CRB1: variants seen among roughly 807,000 people sequenced by gnomAD.
CRB1 encodes the protein crumbs cell polarity complex component 1.
CRB1 carries 83 observed loss-of-function variants against 120.0 expected under a neutral mutation model. That is an observed-to-expected ratio of 0.69 (90% CI 0.58 to 0.83). The LOEUF (loss-of-function observed/expected upper bound fraction) is 0.83. CRB1 is among the 40% of genes least tolerant of loss of function. The pLI is 0.00. For synonymous variants in CRB1, 625 were observed against 612.5 expected (o/e 1.02, Z -0.30); for missense variants, 1,699 against 1,687.6 (o/e 1.01, Z -0.12).
At chr1:197,259,522 T>C in the CRB1 span, among the ~76,000 whole-genome samples, 2 of 152,014 alleles carry the variant, frequency 1.3e-5, no homozygotes, top group Non-Finnish European at 2.9e-5. Flanking sequence ...ACACCAGTCC[T>C]GTCAGTGGGG....
chr1:197,406,319 G>A (rs1172548556), intron 5 of CRB1, among the ~76,000 whole-genome samples: 2 of 152,052 alleles, frequency 1.3e-5, no homozygotes, highest in African/African-American at 4.8e-5. Context: ...GTCCACTCAG[G>A]GTTAAATGGA....
the CRB1 span, among the ~76,000 whole-genome samples, chr1:197,220,781 C>T: frequency 6.6e-6 from 1 of 152,078 alleles, no homozygotes; most frequent in African/African-American, 2.4e-5. Flanking sequence ...GTGAGCTGAT[C>T]ATTTAAAAGT....
chr1:197,283,763 T>G (rs1339148239), intron 1 of CRB1, among the ~76,000 whole-genome samples: 2 of 151,540 alleles, frequency 1.3e-5, no homozygotes, highest in Admixed American at 1.3e-4. Flanking sequence ...ACATTTTCTG[T>G]AAGTAGGCCA....
At chr1:197,366,058 T>C (rs1489268073) in intron 5 of CRB1, among the ~76,000 whole-genome samples, 1 of 152,116 alleles carries the variant, frequency 6.6e-6, no homozygotes, top group Non-Finnish European at 1.5e-5. Context: ...ATTTTTTTAA[T>C]GGCTTCAGGT....
chr1:197,235,672 C>T, the CRB1 span, among the ~76,000 whole-genome samples: 1 of 152,112 alleles, frequency 6.6e-6, no homozygotes, highest in East Asian at 1.9e-4. Context: ...GTGATTTAGA[C>T]CACAGACTCG....
chr1:197,292,714 G>A (rs992910979), intron 1 of CRB1, among the ~76,000 whole-genome samples: 1 of 152,080 alleles, frequency 6.6e-6, no homozygotes, highest in Admixed American at 6.6e-5. Flanking sequence ...TATCCACCAT[G>A]ATCAAGTGGG....
chr1:197,234,051 C>T, the CRB1 span, among the ~76,000 whole-genome samples: 55 of 152,306 alleles, frequency 3.6e-4, no homozygotes, highest in East Asian at 3.7e-3. Flanking sequence ...TCCTAAAGAA[C>T]CTGAGTGACC....
At chr1:197,419,176 C>T (rs1388405988) in intron 5 of CRB1, among the ~76,000 whole-genome samples, 1 of 152,144 alleles carries the variant, frequency 6.6e-6, no homozygotes, top group Non-Finnish European at 1.5e-5. Flanking sequence ...GTGACCTGCT[C>T]ACAATCAAGC....
At position 197,477,783 on chromosome 1, in the gene CRB1, T is replaced by C. The variant is rs1459964782; in HGVS notation, c.4125T>C (p.Thr1375=). The C allele has an allele frequency of 5.6e-6, 9 of 1,613,788 alleles. No homozygotes were observed. In the Admixed American group the frequency reaches 1.3e-4, roughly 24 times the overall value. ...ASVVTSNKRA[T]QGTYSPSRQE... ...TTGTCACCTCCAACAAAAGGGCAACTCAGGGAACCTACAGCCCCAGCCGTC... is the reference window on the plus strand; with the variant it reads ...TTGTCACCTCCAACAAAAGGGCAACCCAGGGAACCTACAGCCCCAGCCGTC... Residue 1375 remains threonine (T), a synonymous_variant, in exon 12 of 12, where the codon ACT becomes ACC. Transcript: ENST00000367400.
At chr1:197,412,309 G>A (rs1267330416) in intron 5 of CRB1, among the ~76,000 whole-genome samples, 1 of 152,204 alleles carries the variant, frequency 6.6e-6, no homozygotes, top group African/African-American at 2.4e-5. Context: ...TCCTTTGAAT[G>A]ACTAGCATGC....
intron 5 of CRB1, chr1:197,357,339 ATGTTAAATTTTATGTTATTCAAATT>A: frequency 2.7e-6 from 1 of 377,014 alleles, no homozygotes. Flanking sequence ...TTTGATAATG[ATGTTAAATTTTATGTTATTCAAATT>A]TGCTAGAAAA....
At chr1:197,340,152 T>C (rs1659368197) in intron 2 of CRB1, among the ~76,000 whole-genome samples, 2 of 152,128 alleles carry the variant, frequency 1.3e-5, no homozygotes, top group East Asian at 1.9e-4. Flanking sequence ...GAGAGCACAG[T>C]GAAGCAGCAT....
intron 5 of CRB1, among the ~76,000 whole-genome samples, chr1:197,416,520 A>G (rs1348811092): frequency 6.6e-6 from 1 of 152,174 alleles, no homozygotes; most frequent in Non-Finnish European, 1.5e-5. Flanking sequence ...CTGAGAGTAC[A>G]TCATAGAGTA....
chr1:197,447,884 G>T (rs1161581843), intron 11 of CRB1, among the ~76,000 whole-genome samples: 2 of 148,738 alleles, frequency 1.3e-5, no homozygotes, highest in African/African-American at 4.9e-5. Context: ...AAGTCTGTCT[G>T]CCAAACCTTC....
chr1:197,329,616 C>T (rs941720927), intron 2 of CRB1, among the ~76,000 whole-genome samples: 1 of 152,158 alleles, frequency 6.6e-6, no homozygotes, highest in African/African-American at 2.4e-5. Context: ...AAGTTGACAA[C>T]TCATCATTAC....
the CRB1 span, among the ~76,000 whole-genome samples, chr1:197,241,848 G>T: frequency 6.6e-5 from 10 of 151,772 alleles, no homozygotes; most frequent in Admixed American, 6.6e-4. Context: ...TCCATTTTTT[G>T]TGTCCTTTCT....
chr1:197,367,848 TGAA>T (rs1661157948), intron 5 of CRB1, among the ~76,000 whole-genome samples: 2 of 152,188 alleles, frequency 1.3e-5, no homozygotes, highest in East Asian at 3.9e-4. Flanking sequence ...GGGGATCCTA[TGAA>T]GTCCTGGCTT....
At chr1:197,444,334 A>T (rs1558145790) in intron 11 of CRB1, 1 of 152,102 alleles carries the variant, frequency 6.6e-6, no homozygotes, top group Non-Finnish European at 1.5e-5. Flanking sequence ...TTTCCTTCTT[A>T]CTCATCCATT....
rs560939517 is a variant in CRB1 at position 197,310,501 on chromosome 1, T to G, written c.71-17921T>G. Reference sequence around the variant, plus strand: ...AACGTCAAGGTAAGATCTGTGTAATTAATTAGCTTGTTGAGCAAACAGTTG... The same window carrying G: ...AACGTCAAGGTAAGATCTGTGTAATGAATTAGCTTGTTGAGCAAACAGTTG... On this transcript the variant is annotated intron_variant, in intron 1 of 11. Transcript: ENST00000367400. Among the ~76,000 whole-genome samples, 106 of 152,308 alleles carry G rather than the reference T, an allele frequency of 7.0e-4. 1 individual carries two copies. The highest frequency in any genetic ancestry group is 9.7e-4 in the Non-Finnish European group (66 of 68,022).
Sources: gnomAD v4.1 joint callset for allele counts (sites outside exome capture counted in the v4.1 genomes callset) on GRCh38, gnomAD v4.1.1 for gene constraint, MANE v1.5 for transcripts, NCBI Gene and HGNC (gene_info 2026-07-23, HGNC 2026-07-21) for gene names.